EPSTI1: variants seen among roughly 807,000 people sequenced by gnomAD.
The protein encoded by EPSTI1 is epithelial stromal interaction 1.
EPSTI1 carries 66 observed loss-of-function variants against 49.9 expected under a neutral mutation model. The observed-to-expected ratio is 1.32, with a 90% CI of 1.08 to 1.62. The LOEUF is 1.62. Among genes scored for constraint, EPSTI1 ranks in the 40% most tolerant of loss-of-function variants. The probability of loss-of-function intolerance (pLI) is 0.00; values close to 1 mark genes in which losing one functional copy is unlikely to be tolerated. For missense variants in EPSTI1, 394 were observed against 365.5 expected, an observed-to-expected ratio of 1.08 and a Z score of -0.64; for synonymous variants, 137 against 130.7, an observed-to-expected ratio of 1.05 and a Z score of -0.33.
At chr13:42,889,014 G>T (rs1261366885) in intron 10 of EPSTI1, among the ~76,000 whole-genome samples, 1 of 152,148 alleles carries the variant, frequency 6.6e-6, no homozygotes, top group Non-Finnish European at 1.5e-5. Flanking sequence ...GCTGGGCCAC[G>T]CTACGTATGG....
rs11284293 is a variant in EPSTI1, at chr13:42,916,272, TAAA to T, written c.741+1266_741+1268del. Reference sequence around the variant, plus strand: ...TTGCCAAGACAAAAAGATATTTATTTAAAAAAAAAAAAAACACTAAGGGATAAA... The same window carrying T: ...TTGCCAAGACAAAAAGATATTTATTTAAAAAAAAAAACACTAAGGGATAAA... On this transcript the variant is annotated intron_variant, in intron 8 of 10. Transcript: ENST00000313624. Among the ~76,000 whole-genome samples the T allele has an allele frequency of 2.6e-3, 380 of 146,284 alleles. 1 individual carries two copies. Among genetic ancestry groups the T allele is most frequent in the African/African-American group, 8.3e-3 (329 of 39,786 alleles).
At position 42,966,637 on chromosome 13, in the gene EPSTI1, A is replaced by G. The variant is rs1297302020; in HGVS notation, c.331+2457T>C. 6.5e-5 allele frequency among the ~76,000 whole-genome samples: 4 copies of G among 61,858 alleles called. 1 individual carries two copies. The highest frequency in any genetic ancestry group is 1.0e-4 in the African/African-American group (2 of 19,924). 40.6% of individuals were successfully genotyped at this position (61,858 alleles called of 152,430 possible). A position where few individuals can be genotyped will look rare whatever the true frequency, so the allele number is the denominator to read the frequency against. On this transcript the variant is annotated intron_variant, in intron 3 of 10. Coordinates refer to ENST00000313624, the MANE Select transcript of EPSTI1 (RefSeq NM_033255.5). The stretch of plus-strand genomic sequence containing the variant: ...AGCCTCTCCGCCCGGCAGCCACCCC[A>G]TCTGGGAAGTAAGGAGCGTCTCCGC...
chr13:42,982,406 T>C (rs780416488), intron 1 of EPSTI1, among the ~76,000 whole-genome samples: 12 of 152,242 alleles, frequency 7.9e-5, no homozygotes, highest in Non-Finnish European at 1.5e-4. Flanking sequence ...CAGCAAGCCT[T>C]GGGGCTGCTC....
chr13:42,958,902 C>A (rs1327723279), intron 5 of EPSTI1, among the ~76,000 whole-genome samples: 1 of 152,156 alleles, frequency 6.6e-6, no homozygotes. Context: ...TTCTCTCCAG[C>A]AACTTCATTC....
chr13:42,953,575 C>A (rs1458851546), intron 6 of EPSTI1, among the ~76,000 whole-genome samples: 1 of 152,200 alleles, frequency 6.6e-6, no homozygotes, highest in African/African-American at 2.4e-5. Context: ...TAGTGGTCCT[C>A]AGTCCATCAG....
Position 42,908,173 on chromosome 13 carries a change from C to T in EPSTI1, c.742-7790G>A, listed in dbSNP as rs1566106501. ...AAGACTTTAAATGTAAAACCTGAAA[C>T]TAGGAAAGTACTAGAAGAGAATATG... On this transcript the variant is annotated intron_variant, in intron 8 of 10. Coordinates refer to ENST00000313624, the MANE Select transcript of EPSTI1 (RefSeq NM_033255.5). Among the ~76,000 whole-genome samples, 5 of 152,256 alleles carry T rather than the reference C, an allele frequency of 3.3e-5. No homozygotes were observed. In the South Asian group the frequency reaches 1.0e-3, roughly 32 times the overall value.
chr13:42,888,511 AAAAG>A lies in EPSTI1; in HGVS notation c.916-13_916-10del. On this transcript the variant is annotated splice_polypyrimidine_tract_variant and intron_variant, in intron 10 of 10. Transcript: ENST00000313624. Reference sequence around the variant, plus strand: ...ATATTTTCTCATATACCCTGGAAGAAAAAGAAAACAAAAATTACTGCAAGCAGCA... The same window carrying A: ...ATATTTTCTCATATACCCTGGAAGAAAAAACAAAAATTACTGCAAGCAGCA... 6.3e-7 allele frequency: 1 copy of A among 1,580,026 alleles called. No individual in the cohort carries two copies. Among genetic ancestry groups the A allele is most frequent in the South Asian group, 1.2e-5 (1 of 84,808 alleles).
In EPSTI1 at chr13:42,989,567, C is replaced by CTTTTTTTTTTTTTTTTTTTTTTTTTTT; in HGVS notation, c.188+2410_188+2411insAAAAAAAAAAAAAAAAAAAAAAAAAAA. Among the ~76,000 whole-genome samples, 142 of 78,968 alleles carry CTTTTTTTTTTTTTTTTTTTTTTTTTTT rather than the reference C, an allele frequency of 1.8e-3. 5 individuals are homozygous for CTTTTTTTTTTTTTTTTTTTTTTTTTTT. The highest frequency in any genetic ancestry group is 2.5e-3 in the Non-Finnish European group (102 of 40,218). 51.8% of individuals were successfully genotyped at this position (78,968 alleles called of 152,430 possible). On this transcript the variant is annotated intron_variant, in intron 1 of 10. Coordinates refer to ENST00000313624, the MANE Select transcript of EPSTI1 (RefSeq NM_033255.5). ...ATTAAAGCACTTTATCCTCTTTTTT[C>CTTTTTTTTTTTTTTTTTTTTTTTTTTT]TTTTTTTTTTTTTTTTGCTTTTTGT...
intron 1 of EPSTI1, among the ~76,000 whole-genome samples, chr13:42,983,122 T>C (rs2040014725): frequency 6.6e-6 from 1 of 152,214 alleles, no homozygotes; most frequent in Non-Finnish European, 1.5e-5. Context: ...CTTGTTAATC[T>C]GTCTTTTTTT....
intron 3 of EPSTI1, among the ~76,000 whole-genome samples, chr13:42,966,694 G>C (rs1594744515): frequency 1.2e-5 from 1 of 83,800 alleles, no homozygotes; most frequent in East Asian, 6.0e-4. Flanking sequence ...AGGGAGGTGG[G>C]GGGGTCAGCC....
chr13:42,931,893 A>AT (rs143551722), intron 6 of EPSTI1, among the ~76,000 whole-genome samples: 3,061 of 152,258 alleles, frequency 0.02, 98 homozygotes, highest in African/African-American at 0.069. Context: ...ATACATAAAT[A>AT]TTTTTTCTAA....
At chr13:42,895,230 A>ATTTCTTCT in intron 9 of EPSTI1, 122 bp from the exon 10 acceptor site, 1 of 684,026 alleles carries the variant, frequency 1.5e-6, no homozygotes, top group Non-Finnish European at 2.4e-6. Context: ...AGCTTAGAAG[A>ATTTCTTCT]AATCCACAGA....
At chr13:42,892,301 A>G (rs1566092603) in intron 10 of EPSTI1, among the ~76,000 whole-genome samples, 1 of 152,346 alleles carries the variant, frequency 6.6e-6, no homozygotes, top group East Asian at 1.9e-4. Flanking sequence ...TCAGTCTTGT[A>G]TCGAGAACAG....
chr13:42,954,086 G>A, intron 5 of EPSTI1, 65 bp from the exon 6 acceptor site: 3 of 1,392,488 alleles, frequency 2.2e-6, no homozygotes, highest in East Asian at 4.7e-5. Context: ...TGATGTTAAA[G>A]TTACCCAAGG....
intron 6 of EPSTI1, among the ~76,000 whole-genome samples, chr13:42,935,628 G>A (rs1299651916): frequency 6.6e-6 from 1 of 151,966 alleles, no homozygotes; most frequent in South Asian, 2.1e-4. Context: ...TTTTGCTCTT[G>A]TTGCCCAGGC....
intron 6 of EPSTI1, among the ~76,000 whole-genome samples, chr13:42,939,999 A>T (rs1468967174): frequency 6.6e-6 from 1 of 152,198 alleles, no homozygotes; most frequent in Non-Finnish European, 1.5e-5. Context: ...TGCCTTCTCA[A>T]ATCTATTCAC....
At position 42,909,525 on chromosome 13, in the gene EPSTI1, T is replaced by C. The variant is rs990613885; in HGVS notation, c.741+8016A>G. On this transcript the variant is annotated intron_variant, in intron 8 of 10. Coordinates refer to ENST00000313624, the MANE Select transcript of EPSTI1 (RefSeq NM_033255.5). ...AGTACTGTTCACAATAGCCAAGATA[T>C]GGAATCAACCTAAGTGTCCATCAAT... 3.9e-5 allele frequency among the ~76,000 whole-genome samples: 6 copies of C among 152,076 alleles called. No homozygotes were observed. In the South Asian group the frequency reaches 8.3e-4, roughly 21 times the overall value.
At chr13:42,989,913 A>G (rs935171031) in intron 1 of EPSTI1, among the ~76,000 whole-genome samples, 15 of 151,884 alleles carry the variant, frequency 9.9e-5, no homozygotes, top group Non-Finnish European at 1.9e-4. Context: ...TTTAAATCAG[A>G]AAGTGTTTCT....
intron 3 of EPSTI1, among the ~76,000 whole-genome samples, chr13:42,965,702 TCTCCCTCTCCCTCTC>T (rs1566165441): frequency 1.7e-4 from 1 of 6,052 alleles, no homozygotes; most frequent in African/African-American, 4.3e-4. Flanking sequence ...TCCCTCTCCC[TCTCCCTCTCCCTCTC>T]CCTCTCCCTC....
Sources: gnomAD v4.1 joint callset for allele counts (sites outside exome capture counted in the v4.1 genomes callset) on GRCh38, gnomAD v4.1.1 for gene constraint, MANE v1.5 for transcripts, NCBI Gene and HGNC (gene_info 2026-07-23, HGNC 2026-07-21) for gene names.